GPC5: variants seen among roughly 807,000 people sequenced by gnomAD.
GPC5 encodes the protein glypican-5.
In GPC5, 47 loss-of-function variants were observed where a neutral mutation model predicts 53.9. That is an observed-to-expected ratio of 0.87 (90% confidence interval 0.69 to 1.11). GPC5 has a LOEUF of 1.11. Ranked by LOEUF, GPC5 falls within the 50% of genes most tolerant of loss-of-function variation. GPC5 has a pLI of 0.00. For synonymous variants in GPC5, 286 were observed against 263.3 expected, an observed-to-expected ratio of 1.09 and a Z score of -0.84; for missense variants, 748 against 713.1, an observed-to-expected ratio of 1.05 and a Z score of -0.56.
At chr13:92,096,816 A>G (rs9516013) in intron 6 of GPC5, among the ~76,000 whole-genome samples, 68,170 of 151,988 alleles carry the variant, frequency 0.45, 16,243 homozygotes, top group East Asian at 0.79. Flanking sequence ...TACAGAGTCT[A>G]GTATCTGAAA....
At chr13:92,568,139 T>C (rs1882916183) in intron 7 of GPC5, among the ~76,000 whole-genome samples, 1 of 151,990 alleles carries the variant, frequency 6.6e-6, no homozygotes, top group Non-Finnish European at 1.5e-5. Flanking sequence ...CTGAGCAATA[T>C]AGTGAGACTC....
intron 1 of GPC5, among the ~76,000 whole-genome samples, chr13:91,447,795 GT>G (rs1880908462): frequency 6.6e-6 from 1 of 152,004 alleles, no homozygotes; most frequent in South Asian, 2.1e-4. Flanking sequence ...AATTCTTCTT[GT>G]TATTCTAAAG....
rs747026392 is a variant in GPC5 at position 92,774,544 on chromosome 13, C to T, written c.1562-91738C>T. ...ATGAACTCCTCTCCAATCAGAATTA[C>T]GTGTTTCCCTAGCTCTACCATAATG... On this transcript the variant is annotated intron_variant, in intron 7 of 7. Transcript: ENST00000377067. Among the ~76,000 whole-genome samples the T allele has an allele frequency of 3.9e-5, 6 of 152,270 alleles. No homozygotes were observed. The South Asian group carries it at 6.2e-4, about 16-fold the overall frequency.
At chr13:92,344,550 T>A (rs565412029) in intron 7 of GPC5, among the ~76,000 whole-genome samples, 2 of 152,298 alleles carry the variant, frequency 1.3e-5, no homozygotes, top group South Asian at 4.1e-4. Context: ...AACAGGCTTA[T>A]TACTGAATGA....
At chr13:92,518,762 A>C (rs1880901808) in intron 7 of GPC5, among the ~76,000 whole-genome samples, 1 of 152,222 alleles carries the variant, frequency 6.6e-6, no homozygotes, top group Admixed American at 6.5e-5. Flanking sequence ...TGACAGGATC[A>C]AATTCACACA....
At chr13:92,566,113 CATTT>C (rs1882855416) in intron 7 of GPC5, among the ~76,000 whole-genome samples, 1 of 151,982 alleles carries the variant, frequency 6.6e-6, no homozygotes, top group Non-Finnish European at 1.5e-5. Context: ...AACATATTAT[CATTT>C]AATCTTGATA....
At chr13:92,231,519 T>A (rs892194715) in intron 7 of GPC5, among the ~76,000 whole-genome samples, 2 of 152,136 alleles carry the variant, frequency 1.3e-5, no homozygotes, top group Admixed American at 6.5e-5. Flanking sequence ...GAGATGAATT[T>A]AACTCTATCA....
At chr13:92,227,056 C>T (rs188340198) in intron 7 of GPC5, among the ~76,000 whole-genome samples, 2 of 152,294 alleles carry the variant, frequency 1.3e-5, no homozygotes, top group East Asian at 3.9e-4. Context: ...TCCTCCTCAG[C>T]CTTGAGTAAA....
intron 6 of GPC5, among the ~76,000 whole-genome samples, chr13:92,090,692 C>G (rs1175856068): frequency 6.6e-6 from 1 of 152,210 alleles, no homozygotes; most frequent in Non-Finnish European, 1.5e-5. Flanking sequence ...CTTCCTCTAA[C>G]TACTTTTAAA....
intron 2 of GPC5, among the ~76,000 whole-genome samples, chr13:91,473,058 G>T (rs1882725047): frequency 6.6e-6 from 1 of 152,118 alleles, no homozygotes; most frequent in Non-Finnish European, 1.5e-5. Context: ...CATGACAGAA[G>T]GGGAAGCAGG....
intron 5 of GPC5, among the ~76,000 whole-genome samples, chr13:91,867,729 G>A (rs2039100257): frequency 6.6e-6 from 1 of 152,150 alleles, no homozygotes; most frequent in Admixed American, 6.5e-5. Flanking sequence ...GGGATGGATG[G>A]TTTAGAAGTT....
At chr13:91,459,599 T>A (rs1386031260) in intron 2 of GPC5, among the ~76,000 whole-genome samples, 2 of 151,894 alleles carry the variant, frequency 1.3e-5, no homozygotes, top group African/African-American at 2.4e-5. Context: ...TGGACTTGAG[T>A]CTCCAAGTCT....
At chr13:91,850,804 T>G (rs568525595) in intron 5 of GPC5, among the ~76,000 whole-genome samples, 1 of 152,284 alleles carries the variant, frequency 6.6e-6, no homozygotes, top group African/African-American at 2.4e-5. Flanking sequence ...CCACCATTGA[T>G]CTACACAAGA....
At chr13:91,761,635 C>G (rs2138660755) in intron 5 of GPC5, among the ~76,000 whole-genome samples, 1 of 152,220 alleles carries the variant, frequency 6.6e-6, no homozygotes, top group Admixed American at 6.5e-5. Context: ...AGTTTTTTAT[C>G]AAGGATATTA....
Position 92,601,629 on chromosome 13 carries a change from T to A in GPC5, c.1562-264653T>A, listed in dbSNP as rs1884063503. On this transcript the variant is annotated intron_variant, in intron 7 of 7. Coordinates refer to ENST00000377067, the MANE Select transcript of GPC5 (RefSeq NM_004466.6). The stretch of plus-strand genomic sequence containing the variant: ...ATGTCTTCCATAGGCATTACATTGT[T>A]CTTAAAACATAAGATTTCAGTGTGT... Among the ~76,000 whole-genome samples, 13 of 151,646 alleles carry A rather than the reference T, an allele frequency of 8.6e-5. No homozygotes were observed. In the South Asian group the frequency reaches 1.9e-3, roughly 22 times the overall value.
rs139049400 is a variant in GPC5 at position 91,518,365 on chromosome 13, C to G, written c.325+69443C>G. 7.5e-3 allele frequency among the ~76,000 whole-genome samples: 1,141 copies of G among 151,870 alleles called. 7 individuals carry two copies. Among genetic ancestry groups the G allele is most frequent in the Middle Eastern group, 0.02 (6 of 294 alleles). On this transcript the variant is annotated intron_variant, in intron 2 of 7. Coordinates refer to ENST00000377067, the MANE Select transcript of GPC5 (RefSeq NM_004466.6). ...AACAGAGTAAGACCCCCATCTCAAA[C>G]AACAACAACAATAGTAACAAAAAAC...
At chr13:91,963,630 T>C (rs113773011) in intron 6 of GPC5, among the ~76,000 whole-genome samples, 2,186 of 152,240 alleles carry the variant, frequency 0.014, 46 homozygotes, top group African/African-American at 0.05. Context: ...TGAAGCTTAA[T>C]GTACAAAATG....
chr13:91,976,287 T>G (rs1028938369), intron 6 of GPC5, among the ~76,000 whole-genome samples: 1 of 151,888 alleles, frequency 6.6e-6, no homozygotes, highest in African/African-American at 2.4e-5. Context: ...TAAAAGAAAA[T>G]TTAAAAAAAT....
chr13:91,900,172 T>C (rs932255707), intron 5 of GPC5, among the ~76,000 whole-genome samples: 9 of 152,168 alleles, frequency 5.9e-5, no homozygotes, highest in African/African-American at 2.2e-4. Context: ...ACAAAAAAGC[T>C]ATATAAGATT....
Sources: allele counts gnomAD v4.1 joint callset (sites outside exome capture counted in the v4.1 genomes callset), GRCh38; gene constraint gnomAD v4.1.1; transcripts MANE v1.5; gene names NCBI Gene and HGNC (gene_info 2026-07-23, HGNC 2026-07-21).